Variants in SUGCT observed in about 807,000 individuals in gnomAD.
SUGCT encodes succinyl-CoA:glutarate-CoA transferase, also known as succinyl-CoA:glutarate CoA-transferase.
SUGCT carries 41 observed loss-of-function variants against 55.0 expected under a neutral mutation model. The observed-to-expected ratio is 0.74, with a 90% CI of 0.58 to 0.97. The LOEUF (loss-of-function observed/expected upper bound fraction) is 0.97. Ranked by LOEUF, SUGCT falls within the 50% of genes least tolerant of loss-of-function variation. The pLI, the probability that SUGCT is intolerant of heterozygous loss-of-function variation, is 0.00. For missense variants in SUGCT, 568 were observed against 547.8 expected (o/e 1.04, Z -0.37); for synonymous variants, 187 against 200.4 (o/e 0.93, Z 0.56).
At chr7:40,949,414 A>G in the SUGCT span, among the ~76,000 whole-genome samples, 2 of 151,748 alleles carry the variant, frequency 1.3e-5, no homozygotes, top group Non-Finnish European at 2.9e-5. Context: ...TTGCCTATTC[A>G]CTCTGATGGT....
At chr7:40,896,595 T>A in the SUGCT span, among the ~76,000 whole-genome samples, 2 of 152,188 alleles carry the variant, frequency 1.3e-5, 1 homozygote, top group Admixed American at 1.3e-4. Context: ...CCCCTTTTGC[T>A]CGGCACTTCT....
intron 12 of SUGCT, among the ~76,000 whole-genome samples, chr7:40,618,585 T>C (rs1799118616): frequency 6.6e-6 from 1 of 152,236 alleles, no homozygotes; most frequent in Admixed American, 6.5e-5. Context: ...TCGAAGATCC[T>C]TGATGGCATT....
chr7:40,252,451 T>C (rs969472185), intron 7 of SUGCT, among the ~76,000 whole-genome samples: 2 of 152,076 alleles, frequency 1.3e-5, no homozygotes, highest in African/African-American at 4.8e-5. Flanking sequence ...TGATAAATGT[T>C]TGGGGTACCT....
At chr7:40,325,073 G>T (rs1795962194) in intron 9 of SUGCT, among the ~76,000 whole-genome samples, 1 of 152,182 alleles carries the variant, frequency 6.6e-6, no homozygotes, top group African/African-American at 2.4e-5. Flanking sequence ...TATTTAATTT[G>T]GCAGAAGCAG....
intron 12 of SUGCT, among the ~76,000 whole-genome samples, chr7:40,691,333 A>G (rs1391590339): frequency 1.3e-5 from 2 of 150,696 alleles, no homozygotes; most frequent in East Asian, 1.9e-4. Context: ...TGCCTTTAGT[A>G]CTGATATAAG....
At chr7:40,359,420 G>A (rs1297572022) in intron 9 of SUGCT, among the ~76,000 whole-genome samples, 1 of 152,052 alleles carries the variant, frequency 6.6e-6, no homozygotes, top group Admixed American at 6.6e-5. Flanking sequence ...GGTCAGGCTG[G>A]TCTCAAACTC....
intron 7 of SUGCT, among the ~76,000 whole-genome samples, chr7:40,245,423 ATTTTTTTTTT>A (rs1168316176): frequency 1.8e-5 from 1 of 54,578 alleles, no homozygotes; most frequent in African/African-American, 8.9e-5. Context: ...ATATATATAT[ATTTTTTTTTT>A]TTTTTTTTTT....
chr7:40,592,845 G>A (rs888491070), intron 12 of SUGCT, among the ~76,000 whole-genome samples: 18 of 152,148 alleles, frequency 1.2e-4, no homozygotes, highest in Non-Finnish European at 2.5e-4. Flanking sequence ...CCATCTCTAG[G>A]TCTTGGGTAT....
the SUGCT span, among the ~76,000 whole-genome samples, chr7:41,016,206 C>G: frequency 3.0e-3 from 457 of 152,254 alleles, 3 homozygotes; most frequent in African/African-American, 9.5e-3. Flanking sequence ...GCTTTCTTAG[C>G]TCTTCACGGG....
intron 9 of SUGCT, among the ~76,000 whole-genome samples, chr7:40,363,657 A>G (rs1191636885): frequency 1.1e-4 from 16 of 152,178 alleles, no homozygotes; most frequent in African/African-American, 3.1e-4. Flanking sequence ...TTCTAGTTTG[A>G]TTGCACTGTG....
At chr7:40,533,685 G>A (rs1794208656) in intron 12 of SUGCT, among the ~76,000 whole-genome samples, 1 of 152,020 alleles carries the variant, frequency 6.6e-6, no homozygotes, top group South Asian at 2.1e-4. Context: ...CTGAAAAATA[G>A]TATTACCTAC....
chr7:40,242,933 A>ATATATAT (rs1270335224), intron 7 of SUGCT, among the ~76,000 whole-genome samples: 7 of 17,216 alleles, frequency 4.1e-4, no homozygotes, highest in South Asian at 5.0e-3. Flanking sequence ...ATATATATAT[A>ATATATAT]TTTTTTTTTT....
At chr7:40,179,896 G>A (rs1311517916) in intron 1 of SUGCT, among the ~76,000 whole-genome samples, 1 of 152,326 alleles carries the variant, frequency 6.6e-6, no homozygotes, top group East Asian at 1.9e-4. Flanking sequence ...CAGTGCCAAC[G>A]TGGGAGGAGA....
chr7:40,396,848 C>T (rs1174286475), intron 9 of SUGCT, among the ~76,000 whole-genome samples: 2 of 152,050 alleles, frequency 1.3e-5, no homozygotes, highest in Admixed American at 1.3e-4. Flanking sequence ...TTTCTTTAAG[C>T]AGTAACTGGA....
chr7:40,218,178 G>A (rs1272857105), intron 6 of SUGCT, among the ~76,000 whole-genome samples: 1 of 152,128 alleles, frequency 6.6e-6, no homozygotes, highest in Admixed American at 6.6e-5. Flanking sequence ...GTGCCACAGT[G>A]CTCCAGCCTG....
the SUGCT span, among the ~76,000 whole-genome samples, chr7:41,017,770 C>CAA: frequency 0.035 from 4,004 of 113,060 alleles, 228 homozygotes; most frequent in African/African-American, 0.12. Context: ...GAGTCCGTCT[C>CAA]AAAAAAAAAA....
chr7:40,622,355 T>C (rs1002977823), intron 12 of SUGCT, among the ~76,000 whole-genome samples: 3 of 152,176 alleles, frequency 2.0e-5, no homozygotes, highest in African/African-American at 7.2e-5. Flanking sequence ...GTATGGGTTC[T>C]TCAGCAGTTC....
chr7:40,632,427 A>G (rs1799829089), intron 12 of SUGCT, among the ~76,000 whole-genome samples: 1 of 151,454 alleles, frequency 6.6e-6, no homozygotes, highest in Non-Finnish European at 1.5e-5. Context: ...GTATTCAGGC[A>G]TCTGTTCCTC....
At chr7:40,250,007 G>A (rs1164619080) in intron 7 of SUGCT, among the ~76,000 whole-genome samples, 1 of 151,990 alleles carries the variant, frequency 6.6e-6, no homozygotes, top group Non-Finnish European at 1.5e-5. Flanking sequence ...GGCTGGTCTC[G>A]AACTCCTGAC....
Sources: allele counts gnomAD v4.1 joint callset (sites outside exome capture counted in the v4.1 genomes callset), GRCh38; gene constraint gnomAD v4.1.1; transcripts MANE v1.5; gene names NCBI Gene and HGNC (gene_info 2026-07-23, HGNC 2026-07-21).